GCHFR: variants seen among roughly 807,000 people sequenced by gnomAD.
GCHFR encodes GTP cyclohydrolase I feedback regulator.
GCHFR carries 12 observed loss-of-function variants against 10.6 expected under a neutral mutation model. The ratio of observed to expected loss-of-function variants is 1.13; its 90% CI spans 0.72 to 1.83. The LOEUF (loss-of-function observed/expected upper bound fraction) is 1.83, where lower values mean the gene tolerates loss of function less well. Among genes scored for constraint, GCHFR ranks in the 40% most tolerant of loss-of-function variants. GCHFR has a pLI of 0.00. For synonymous variants in GCHFR, 54 were observed against 43.7 expected (o/e 1.24, Z -0.93); for missense variants, 116 against 110.6 (o/e 1.05, Z -0.22).
intron 1 of GCHFR, chr15:40,764,538 G>A (rs1888906800): frequency 5.1e-6 from 2 of 395,198 alleles, no homozygotes; most frequent in South Asian, 4.5e-5. Context: ...CTGGCCTCAC[G>A]CGCAGCACCT....
chr15:40,765,090 C>G lies in GCHFR; in HGVS notation c.37-737C>G, dbSNP rs1418353534. 8 of 152,332 alleles carry G rather than the reference C, an allele frequency of 5.3e-5. No individual in the cohort carries two copies. In the East Asian group the frequency reaches 1.5e-3, roughly 29 times the overall value. The allele number at this position is 152,332 out of a possible 1,614,324, so 9.4% of individuals were successfully genotyped here. A position where few individuals can be genotyped will look rare whatever the true frequency, so the allele number is the denominator to read the frequency against. On this transcript the variant is annotated intron_variant, in intron 1 of 2. Coordinates refer to ENST00000260447, the MANE Select transcript of GCHFR (RefSeq NM_005258.3). ...AAAATGTGGATTCCTGGGTCCCTTC[C>G]CAGACCTCCTAAAACTCTGTCTGGG...
At chr15:40,765,666 A>G (rs536054585) in intron 1 of GCHFR, 161 bp from the exon 2 acceptor site, 56 of 412,748 alleles carry the variant, frequency 1.4e-4, no homozygotes, top group Non-Finnish European at 2.2e-4. Context: ...GATGGGCTCC[A>G]CCCCTTCACA....
Position 40,764,115 on chromosome 15 carries a change from G to T in GCHFR, c.-66G>T. 6.8e-7 allele frequency: 1 copy of T among 1,475,746 alleles called. No homozygotes were observed. The highest frequency in any genetic ancestry group is 9.1e-7 in the Non-Finnish European group (1 of 1,096,462). 91.4% of individuals were successfully genotyped at this position (1,475,746 alleles called of 1,614,324 possible). A position where few individuals can be genotyped will look rare whatever the true frequency, so the allele number is the denominator to read the frequency against. ...CAGCTGCGCGTCGCAGTCCCGACGC[G>T]AGAAGGGCTGGAGTCGGCGTCCAGC... On this transcript the variant is annotated 5_prime_UTR_variant, in exon 1 of 3. Coordinates refer to ENST00000260447, the MANE Select transcript of GCHFR (RefSeq NM_005258.3).
Position 40,764,119 on chromosome 15 carries a change from AG to A in GCHFR, c.-59del. On this transcript the variant is annotated 5_prime_UTR_variant, in exon 1 of 3. Transcript: ENST00000260447. ...TGCGCGTCGCAGTCCCGACGCGAGA[AG>A]GGCTGGAGTCGGCGTCCAGCCTAGA... The A allele has an allele frequency of 1.4e-6, 2 of 1,470,166 alleles. No homozygotes were observed. The highest frequency in any genetic ancestry group is 1.8e-6 in the Non-Finnish European group (2 of 1,090,496). The allele number at this position is 1,470,166 out of a possible 1,614,324, so 91.1% of individuals were successfully genotyped here.
At chr15:40,765,968 C>T (rs367552108) in intron 2 of GCHFR, 47 bp downstream of exon 2, 7 of 960,686 alleles carry the variant, frequency 7.3e-6, no homozygotes, top group Non-Finnish European at 4.8e-6. Context: ...AGCCCCTAGA[C>T]CTGCCTCTGC....
intron 2 of GCHFR, chr15:40,766,350 C>T (rs980192847): frequency 1.8e-4 from 28 of 153,736 alleles, no homozygotes; most frequent in Admixed American, 3.9e-4. Flanking sequence ...GTGGCTGCTG[C>T]CTGGGGACCT....
Position 40,766,051 on chromosome 15 carries a change from G to C in GCHFR, c.131+130G>C, listed in dbSNP as rs8042544. The C allele has an allele frequency of 2.1e-3, 987 of 476,016 alleles. 11 individuals are homozygous for C. The highest frequency in any genetic ancestry group is 0.018 in the African/African-American group (892 of 50,070). The allele number at this position is 476,016 out of a possible 1,614,324, so 29.5% of individuals were successfully genotyped here. ...CCCCCTGCCTGCATCCTGGGGCTCTGTTCTCCGGAGGAGTTGGTCCCATCT... is the reference window on the plus strand; with the variant it reads ...CCCCCTGCCTGCATCCTGGGGCTCTCTTCTCCGGAGGAGTTGGTCCCATCT... On this transcript the variant is annotated intron_variant, in intron 2 of 2. Transcript: ENST00000260447.
chr15:40,767,047 C>T, intron 2 of GCHFR, 179 bp from the exon 3 acceptor site: 3 of 496,682 alleles, frequency 6.0e-6, no homozygotes, highest in South Asian at 5.2e-5. Flanking sequence ...AATGAGATAG[C>T]TCGTGAAGTA....
chr15:40,765,234 A>G (rs1463370036), intron 1 of GCHFR: 1 of 152,228 alleles, frequency 6.6e-6, no homozygotes, highest in Non-Finnish European at 1.5e-5. Flanking sequence ...TGTACAATTC[A>G]GTGTTGTTGT....
intron 2 of GCHFR, 49 bp downstream of exon 2, chr15:40,765,970 T>G: frequency 1.0e-6 from 1 of 953,266 alleles, no homozygotes; most frequent in Non-Finnish European, 1.6e-6. Flanking sequence ...CCCCTAGACC[T>G]GCCTCTGCTC....
chr15:40,764,465 AGGGCGACCTCC>A, intron 1 of GCHFR: 1 of 467,204 alleles, frequency 2.1e-6, no homozygotes, highest in Non-Finnish European at 3.8e-6. Context: ...TCCCGGCAAC[AGGGCGACCTCC>A]GGGCGCTTCC....
Position 40,767,617 on chromosome 15 carries a change from C to T in GCHFR, c.*268C>T. 1 of 582,378 alleles carries T rather than the reference C, an allele frequency of 1.7e-6. No homozygotes were observed. The highest frequency in any genetic ancestry group is 2.9e-6 in the Non-Finnish European group (1 of 344,658). The allele number at this position is 582,378 out of a possible 1,614,324, so 36.1% of individuals were successfully genotyped here. On this transcript the variant is annotated 3_prime_UTR_variant, in exon 3 of 3. Transcript: ENST00000260447. Reference sequence around the variant, plus strand: ...CCTTGTGTAGGCCATGTTCCTCGGGCAGCTGCCCCGGGCCGGAGCTGGGCA... The same window carrying T: ...CCTTGTGTAGGCCATGTTCCTCGGGTAGCTGCCCCGGGCCGGAGCTGGGCA...
intron 2 of GCHFR, chr15:40,767,023 T>G: frequency 2.3e-6 from 1 of 426,886 alleles, no homozygotes. Context: ...TTCACTAGCT[T>G]GTTGGGAAGA....
In GCHFR at chr15:40,765,407, C is replaced by T. The variant is rs550461555; in HGVS notation, c.37-420C>T. 25 of 153,072 alleles carry T rather than the reference C, an allele frequency of 1.6e-4. No homozygotes were observed. In the East Asian group the frequency reaches 4.8e-3, roughly 29 times the overall value. 9.5% of individuals were successfully genotyped at this position (153,072 alleles called of 1,614,324 possible). A position where few individuals can be genotyped will look rare whatever the true frequency, so the allele number is the denominator to read the frequency against. On this transcript the variant is annotated intron_variant, in intron 1 of 2. Transcript: ENST00000260447. ...AATTACCTTTCTGTGGTAATGTGAT[C>T]TGAGTCTGGCTTCTTTCATTTACAT...
chr15:40,764,205 C>G lies in GCHFR; in HGVS notation c.25C>G (p.Gln9Glu). The G allele has an allele frequency of 6.4e-7, 1 of 1,559,340 alleles. No homozygotes were observed. Among genetic ancestry groups the G allele is most frequent in the Non-Finnish European group, 8.7e-7 (1 of 1,152,620 alleles). MPYLLIST[Q>E]IRMEVGPTMV... is the part of the protein sequence containing the mutation. ...CATGCCCTACCTGCTCATCAGCACC[C>G]AGATCCGCATGGTGAGTACCGGCCG... The change falls in exon 1 of 3, where the codon CAG becomes GAG. Residue 9 changes from glutamine to glutamate, a missense_variant. Physicochemically the swap from Gln to Glu is conservative, Grantham distance 29. Transcript: ENST00000260447.
Position 40,764,146 on chromosome 15 carries a change from G to T in GCHFR, c.-35G>T, listed in dbSNP as rs777525453. 5.2e-6 allele frequency: 8 copies of T among 1,537,620 alleles called. No individual in the cohort carries two copies. The African/African-American group carries it at 1.1e-4, about 21-fold the overall frequency. ...GGCTGGAGTCGGCGTCCAGCCTAGA[G>T]CCCCCGGTGGGAGCCAGGCCGGGAC... is the stretch of plus-strand genomic sequence containing the variant. On this transcript the variant is annotated 5_prime_UTR_variant, in exon 1 of 3. Coordinates refer to ENST00000260447, the MANE Select transcript of GCHFR (RefSeq NM_005258.3).
intron 1 of GCHFR, chr15:40,764,681 A>G (rs537580568): frequency 3.3e-4 from 52 of 158,626 alleles, no homozygotes; most frequent in African/African-American, 1.1e-3. Flanking sequence ...AACAGCAACT[A>G]GCTGCACCCT....
At position 40,767,313 on chromosome 15, in the gene GCHFR, G is replaced by A. The variant is rs770814286; in HGVS notation, c.219G>A (p.Val73=). 1 of 1,603,852 alleles carries A rather than the reference G, an allele frequency of 6.2e-7. No homozygotes were observed. Among genetic ancestry groups the A allele is most frequent in the South Asian group, 1.1e-5 (1 of 89,492 alleles). The change falls in exon 3 of 3, where the codon GTG becomes GTA. Residue 73 remains valine, a synonymous_variant. Coordinates refer to ENST00000260447, the MANE Select transcript of GCHFR (RefSeq NM_005258.3). ...RGFRVLSMTG[V]GQTLVWCLHK... ...TCCGTGTGCTGAGCATGACGGGGGTGGGCCAGACGCTGGTGTGGTGTCTGC... is the reference window on the plus strand; with the variant it reads ...TCCGTGTGCTGAGCATGACGGGGGTAGGCCAGACGCTGGTGTGGTGTCTGC...
intron 1 of GCHFR, chr15:40,764,628 C>T (rs916325492): frequency 1.4e-4 from 25 of 181,002 alleles, no homozygotes; most frequent in Non-Finnish European, 2.3e-4. Context: ...AGATAAGGAC[C>T]TGCCAAGGCG....
Sources: allele counts gnomAD v4.1 joint callset, GRCh38; gene constraint gnomAD v4.1.1; transcripts MANE v1.5; gene names NCBI Gene and HGNC (gene_info 2026-07-23, HGNC 2026-07-21).